The following RGL1 variants were observed in gnomAD, a reference collection of about 807,000 sequenced individuals.
The protein encoded by RGL1 is ral guanine nucleotide dissociation stimulator like 1, also known as ral guanine nucleotide dissociation stimulator-like 1.
In RGL1, 24 loss-of-function variants were observed where a neutral mutation model predicts 95.2. The ratio of observed to expected loss-of-function variants is 0.25; its 90% CI spans 0.18 to 0.35. RGL1 has a LOEUF of 0.35. Among genes scored for constraint, RGL1 ranks in the 10% least tolerant of loss-of-function variants. RGL1 has a pLI of 1.00. For synonymous variants in RGL1, 329 were observed against 344.9 expected (o/e 0.95, Z 0.51); for missense variants, 715 against 936.3 (o/e 0.76, Z 3.08).
chr1:183,816,331 ATCTT>A (rs1662084393), intron 2 of RGL1, among the ~76,000 whole-genome samples: 1 of 152,224 alleles, frequency 6.6e-6, no homozygotes, highest in East Asian at 1.9e-4. Flanking sequence ...CATTATGCTA[ATCTT>A]TCTTAATAGG....
intron 2 of RGL1, among the ~76,000 whole-genome samples, chr1:183,816,833 A>G (rs1366335243): frequency 6.6e-6 from 1 of 151,934 alleles, no homozygotes; most frequent in Non-Finnish European, 1.5e-5. Context: ...AACTAATGAG[A>G]GGTGATGTTC....
chr1:183,850,807 C>T (rs1251311114), intron 3 of RGL1, among the ~76,000 whole-genome samples: 1 of 152,106 alleles, frequency 6.6e-6, no homozygotes, highest in East Asian at 1.9e-4. Context: ...ATGCTGTTGG[C>T]AGGCAGTATG....
At chr1:183,906,909 C>A in intron 13 of RGL1, 103 bp from the exon 14 acceptor site, 2 of 726,160 alleles carry the variant, frequency 2.8e-6, no homozygotes, top group Non-Finnish European at 4.9e-6. Flanking sequence ...TTACTTTGAA[C>A]AATTAGAGCC....
chr1:183,810,241 G>T (rs900615319), intron 2 of RGL1, among the ~76,000 whole-genome samples: 3 of 152,160 alleles, frequency 2.0e-5, no homozygotes, highest in Non-Finnish European at 4.4e-5. Flanking sequence ...CAGACTCAGG[G>T]TCCAAAAAAC....
chr1:183,658,206 G>A (rs138951870), intron 1 of RGL1, among the ~76,000 whole-genome samples: 1,987 of 152,300 alleles, frequency 0.013, 53 homozygotes, highest in African/African-American at 0.046. Flanking sequence ...GACAGTGGGC[G>A]CAGGACAGTG....
In RGL1 at chr1:183,675,240, T is replaced by C. The variant is rs1174677; in HGVS notation, c.-33+38739T>C. Among the ~76,000 whole-genome samples, 1,514 of 152,200 alleles carry C rather than the reference T, an allele frequency of 9.9e-3. 24 individuals carry two copies. The highest frequency in any genetic ancestry group is 0.035 in the African/African-American group (1,441 of 41,546). On this transcript the variant is annotated intron_variant, in intron 1 of 18. Coordinates refer to the RGL1 transcript ENST00000304685. ...GGGGAAAGTAGAGCTTTAGACTTTA[T>C]TTTGAAGGCAAAAACCCTTTTATTT...
At chr1:183,893,458 A>G (rs943326388) in intron 9 of RGL1, among the ~76,000 whole-genome samples, 2 of 152,238 alleles carry the variant, frequency 1.3e-5, no homozygotes, top group Non-Finnish European at 2.9e-5. Context: ...ATGTAAAACC[A>G]AAGTATGCAT....
intron 4 of RGL1, among the ~76,000 whole-genome samples, chr1:183,867,632 T>G (rs955553065): frequency 1.3e-5 from 2 of 151,842 alleles, no homozygotes; most frequent in African/African-American, 4.8e-5. Context: ...GTTTTTTTTT[T>G]GGTTGTATAT....
intron 2 of RGL1, among the ~76,000 whole-genome samples, chr1:183,757,641 T>C (rs965814244): frequency 2.6e-5 from 4 of 152,162 alleles, no homozygotes; most frequent in African/African-American, 7.2e-5. Flanking sequence ...TTCTGTTGGG[T>C]TTACAAGAAA....
rs1553273632 is a variant in RGL1, at chr1:183,713,376, A to AT, written c.-32-28750_-32-28749insT. On this transcript the variant is annotated intron_variant, in intron 1 of 18. Transcript: ENST00000304685. ...CTTTTTGAAAAAAAAATCTAGAGGCACCCCCCCCCCCCGCTTTTATAATGA... is the reference window on the plus strand; with the variant it reads ...CTTTTTGAAAAAAAAATCTAGAGGCATCCCCCCCCCCCCGCTTTTATAATGA... Among the ~76,000 whole-genome samples the AT allele has an allele frequency of 1.6e-3, 76 of 48,198 alleles. 2 individuals are homozygous for AT. The highest frequency in any genetic ancestry group is 2.8e-3 in the Admixed American group (10 of 3,620). The allele number at this position is 48,198 out of a possible 152,430, so 31.6% of individuals were successfully genotyped here.
intron 1 of RGL1, among the ~76,000 whole-genome samples, chr1:183,662,829 A>AACCAAAACAGCATGGTACTGGT (rs1326923175): frequency 2.6e-5 from 4 of 152,172 alleles, no homozygotes; most frequent in African/African-American, 9.7e-5. Context: ...AGGCTACAGT[A>AACCAAAACAGCATGGTACTGGT]ACCAAAACAG....
chr1:183,916,536 C>T lies in RGL1; in HGVS notation c.1839C>T (p.Ser613=), dbSNP rs531689050. The stretch of plus-strand genomic sequence containing the variant: ...CTTCCTTAATCAACCCCCTCTCCTC[C>T]CCTCCGTCCTGCAACAACAACCCCA... ...GMSSLINPLS[S]PPSCNNNPKI... is the part of the protein sequence containing the mutation. Residue 613 remains serine, a synonymous_variant, in exon 16 of 18, where the codon TCC becomes TCT. Transcript: ENST00000360851. 6.2e-7 allele frequency: 1 copy of T among 1,613,888 alleles called. No individual in the cohort carries two copies. The highest frequency in any genetic ancestry group is 1.1e-5 in the South Asian group (1 of 91,050).
rs532874435 is a variant in RGL1, at chr1:183,907,577, C to G, written c.1562+476C>G. ...CCAGTGTTGAAGACGTTTGCACTGG[C>G]TGTGCCTGGCCTGAAATGCTCTTTC... On this transcript the variant is annotated intron_variant, in intron 14 of 17. Coordinates refer to ENST00000360851, the MANE Select transcript of RGL1 (RefSeq NM_001297671.3). 8.5e-5 allele frequency among the ~76,000 whole-genome samples: 13 copies of G among 152,336 alleles called. No homozygotes were observed. In the South Asian group the frequency reaches 2.7e-3, roughly 32 times the overall value.
At chr1:183,733,601 C>T (rs1656761552) in intron 1 of RGL1, among the ~76,000 whole-genome samples, 2 of 152,162 alleles carry the variant, frequency 1.3e-5, no homozygotes, top group Non-Finnish European at 2.9e-5. Context: ...TTCCTTTGTC[C>T]TTAGCACCAC....
At chr1:183,815,188 C>A (rs950878764) in intron 2 of RGL1, among the ~76,000 whole-genome samples, 1 of 151,798 alleles carries the variant, frequency 6.6e-6, no homozygotes, top group Admixed American at 6.6e-5. Flanking sequence ...GCAGGAGAAT[C>A]GCCTGAACCT....
chr1:183,711,881 A>G (rs1655299373), intron 1 of RGL1, among the ~76,000 whole-genome samples: 1 of 152,190 alleles, frequency 6.6e-6, no homozygotes, highest in Non-Finnish European at 1.5e-5. Context: ...ACAAGACTCT[A>G]TCCACCCAAG....
intron 4 of RGL1, among the ~76,000 whole-genome samples, chr1:183,872,655 T>C (rs1666249122): frequency 6.6e-6 from 1 of 152,192 alleles, no homozygotes; most frequent in African/African-American, 2.4e-5. Flanking sequence ...AGACATCGGA[T>C]ACACTTTAAA....
At chr1:183,914,561 C>A (rs1349979362) in intron 15 of RGL1, among the ~76,000 whole-genome samples, 1 of 152,166 alleles carries the variant, frequency 6.6e-6, no homozygotes, top group Admixed American at 6.5e-5. Flanking sequence ...CTCCAAAAGT[C>A]CTCCAGACTG....
chr1:183,703,241 C>T (rs1654710656), intron 1 of RGL1, among the ~76,000 whole-genome samples: 1 of 152,194 alleles, frequency 6.6e-6, no homozygotes, highest in Non-Finnish European at 1.5e-5. Flanking sequence ...TCAAGCGTGA[C>T]ATAGGGGGTG....
Sources: allele counts gnomAD v4.1 joint callset (sites outside exome capture counted in the v4.1 genomes callset), GRCh38; gene constraint gnomAD v4.1.1; transcripts MANE v1.5; gene names NCBI Gene and HGNC (gene_info 2026-07-23, HGNC 2026-07-21).